Variants in GAS2 observed in about 807,000 individuals in gnomAD.
The protein encoded by GAS2 is growth arrest-specific protein 2.
A neutral mutation model predicts 37.5 loss-of-function variants in GAS2; 20 were observed. That is an observed-to-expected ratio of 0.53 (90% confidence interval 0.37 to 0.77). The LOEUF is 0.77. GAS2 is among the 30% of genes least tolerant of loss of function. The pLI, the probability that GAS2 is intolerant of heterozygous loss-of-function variation, is 0.00. For missense variants in GAS2, 336 were observed against 373.4 expected (o/e 0.90, Z 0.82); for synonymous variants, 144 against 132.2 (o/e 1.09, Z -0.61).
intron 1 of GAS2, among the ~76,000 whole-genome samples, chr11:22,636,315 A>G (rs1858820311): frequency 6.6e-6 from 1 of 152,182 alleles, no homozygotes; most frequent in Non-Finnish European, 1.5e-5. Context: ...CAACACAAAC[A>G]ACTAAGGATC....
intron 1 of GAS2, among the ~76,000 whole-genome samples, chr11:22,637,656 A>G (rs1272938876): frequency 1.5e-5 from 2 of 137,280 alleles, no homozygotes; most frequent in East Asian, 4.3e-4. Context: ...TATTATTGAT[A>G]TAATATAAAA....
chr11:22,667,468 A>C (rs1849029820), intron 1 of GAS2, among the ~76,000 whole-genome samples: 1 of 152,198 alleles, frequency 6.6e-6, no homozygotes. Context: ...GTTTGATGAA[A>C]TTGAGTTTTA....
chr11:22,768,704 G>C (rs762815123), intron 7 of GAS2, among the ~76,000 whole-genome samples: 11 of 152,056 alleles, frequency 7.2e-5, no homozygotes, highest in Admixed American at 1.3e-4. Flanking sequence ...CTCATACCTT[G>C]GTTCACAGTC....
intron 1 of GAS2, among the ~76,000 whole-genome samples, chr11:22,645,502 T>TAA (rs1590564069): frequency 6.6e-6 from 1 of 151,204 alleles, no homozygotes; most frequent in East Asian, 2.1e-4. Flanking sequence ...GTGACTGTCT[T>TAA]AAAAATATAT....
chr11:22,752,699 CAAG>C (rs142257792), intron 6 of GAS2, among the ~76,000 whole-genome samples: 1,614 of 151,328 alleles, frequency 0.011, 19 homozygotes, highest in African/African-American at 0.037. Context: ...GAAAAAAAAA[CAAG>C]AAGAAGAAAA....
intron 7 of GAS2, among the ~76,000 whole-genome samples, chr11:22,808,859 G>A (rs966959805): frequency 1.7e-4 from 26 of 152,196 alleles, no homozygotes; most frequent in African/African-American, 6.0e-4. Context: ...TTGGAAGCTG[G>A]CAGTAAGACA....
intron 4 of GAS2, among the ~76,000 whole-genome samples, chr11:22,731,599 G>C (rs1375688036): frequency 6.6e-6 from 1 of 151,674 alleles, no homozygotes. Context: ...TTGTCTACCT[G>C]AAGTAAAAAG....
chr11:22,674,282 T>G (rs1310123811), intron 1 of GAS2, among the ~76,000 whole-genome samples: 3 of 152,106 alleles, frequency 2.0e-5, no homozygotes, highest in Non-Finnish European at 4.4e-5. Flanking sequence ...TAGAGAGTCT[T>G]TGGGTGTACC....
At chr11:22,753,959 T>C (rs182054559) in intron 6 of GAS2, among the ~76,000 whole-genome samples, 1 of 152,182 alleles carries the variant, frequency 6.6e-6, no homozygotes, top group East Asian at 1.9e-4. Flanking sequence ...TATTCAACTT[T>C]TATATATCTT....
chr11:22,706,491 C>A (rs1025747139), intron 3 of GAS2, among the ~76,000 whole-genome samples: 10 of 152,204 alleles, frequency 6.6e-5, no homozygotes, highest in Admixed American at 1.3e-4. Flanking sequence ...CCGCTCCCCC[C>A]ACCCCACAAC....
chr11:22,726,411 T>A lies in GAS2; in HGVS notation c.387T>A (p.Cys129Ter). ...WCRDLGVDET[C>*]LFESEGLVLH... ...GAGATTTAGGGGTGGATGAAACGTG[T>A]CTATTTGAATCGGAAGGTTTGGGTA... The change falls in exon 4 of 8, where the codon TGT becomes TGA. Residue 129 changes from cysteine to a stop codon, truncating the protein, a stop_gained. Coordinates refer to ENST00000454584, the MANE Select transcript of GAS2 (RefSeq NM_001143830.3). LOFTEE classifies it high-confidence loss of function. The A allele has an allele frequency of 1.2e-6, 2 of 1,611,992 alleles. No homozygotes were observed. Among genetic ancestry groups the A allele is most frequent in the East Asian group, 2.2e-5 (1 of 44,826 alleles).
At chr11:22,719,583 G>A (rs148944772) in intron 3 of GAS2, among the ~76,000 whole-genome samples, 5 of 152,134 alleles carry the variant, frequency 3.3e-5, no homozygotes, top group African/African-American at 1.2e-4. Flanking sequence ...ATTACATACA[G>A]AATAGTTTCA....
intron 7 of GAS2, among the ~76,000 whole-genome samples, chr11:22,757,190 A>G (rs1854092731): frequency 1.3e-5 from 2 of 152,120 alleles, no homozygotes; most frequent in South Asian, 2.1e-4. Flanking sequence ...TAATATCTTC[A>G]GTCAAAAATA....
chr11:22,668,700 A>G (rs1849085868), intron 1 of GAS2, among the ~76,000 whole-genome samples: 1 of 152,210 alleles, frequency 6.6e-6, no homozygotes, highest in African/African-American at 2.4e-5. Context: ...TGTGTTACTT[A>G]GAAATCTTAC....
intron 7 of GAS2, among the ~76,000 whole-genome samples, chr11:22,777,236 A>T (rs1215241505): frequency 6.6e-6 from 1 of 152,186 alleles, no homozygotes; most frequent in Non-Finnish European, 1.5e-5. Context: ...ACTCTGTGCC[A>T]TTTGGCTCCC....
At chr11:22,656,982 C>T (rs1848863097) in intron 1 of GAS2, among the ~76,000 whole-genome samples, 1 of 151,870 alleles carries the variant, frequency 6.6e-6, no homozygotes, top group South Asian at 2.1e-4. Flanking sequence ...CACTATATTT[C>T]CATAGAGAGA....
intron 4 of GAS2, among the ~76,000 whole-genome samples, chr11:22,735,391 T>C (rs1202634442): frequency 6.6e-6 from 1 of 151,786 alleles, no homozygotes; most frequent in Non-Finnish European, 1.5e-5. Context: ...ACACCATTTT[T>C]CTGTTAGCAT....
chr11:22,789,629 T>A (rs986675531), intron 7 of GAS2, among the ~76,000 whole-genome samples: 14 of 144,460 alleles, frequency 9.7e-5, no homozygotes, highest in African/African-American at 3.3e-4. Flanking sequence ...ACCCGGCTAG[T>A]TTTTTTGTAT....
chr11:22,785,842 G>A (rs888841978), intron 7 of GAS2, among the ~76,000 whole-genome samples: 2 of 132,898 alleles, frequency 1.5e-5, no homozygotes, highest in East Asian at 2.2e-4. Flanking sequence ...TACTTTTTTC[G>A]GGGAACTGGC....
Sources: gnomAD v4.1 joint callset for allele counts (sites outside exome capture counted in the v4.1 genomes callset) on GRCh38, gnomAD v4.1.1 for gene constraint, MANE v1.5 for transcripts, NCBI Gene and HGNC (gene_info 2026-07-23, HGNC 2026-07-21) for gene names.